The following BRF1 variants were observed in gnomAD, a reference collection of about 807,000 sequenced individuals.
BRF1 encodes the protein BRF1 general transcription factor IIIB subunit, also known as transcription factor IIIB 90 kDa subunit.
Under a neutral mutation model 81.7 loss-of-function variants are expected in BRF1, and 59 were observed. The observed-to-expected ratio is 0.72, with a 90% confidence interval of 0.59 to 0.90. The LOEUF (loss-of-function observed/expected upper bound fraction) is 0.90, where lower values mean the gene tolerates loss of function less well. BRF1 is among the 40% of genes least tolerant of loss of function. The pLI is 0.00. For missense variants in BRF1, 1,050 were observed against 936.3 expected (o/e 1.12, Z -1.58); for synonymous variants, 491 against 395.6 (o/e 1.24, Z -2.86).
At chr14:105,219,601 G>T (rs587627369) in intron 12 of BRF1, 1 of 433,684 alleles carries the variant, frequency 2.3e-6, no homozygotes, top group South Asian at 4.1e-5. Context: ...GGGGTCTGAG[G>T]CACCACGTGG....
chr14:105,226,861 T>C (rs1183915142), intron 7 of BRF1, 101 bp from the exon 8 acceptor site: 8 of 1,565,184 alleles, frequency 5.1e-6, no homozygotes, highest in Non-Finnish European at 6.9e-6. Context: ...GTGATCCCAG[T>C]GCTTTGGGAG....
chr14:105,253,490 G>A (rs973583269), intron 4 of BRF1, among the ~76,000 whole-genome samples: 56 of 152,204 alleles, frequency 3.7e-4, no homozygotes, highest in Admixed American at 3.5e-3. Context: ...AGCCCGGCTC[G>A]TGGGCCCTTA....
In BRF1 at chr14:105,268,691, G is replaced by A. The variant is rs187737500; in HGVS notation, c.439+4030C>T. On this transcript the variant is annotated intron_variant, in intron 3 of 17. Coordinates refer to ENST00000547530, the MANE Select transcript of BRF1 (RefSeq NM_001519.4). ...CATGGGCTGGACGATACGATAGGAG[G>A]ATCCTGGGGGGCCTCTCCTGGGGTG... 3.3e-3 allele frequency among the ~76,000 whole-genome samples: 502 copies of A among 152,344 alleles called. 3 individuals carry two copies. The highest frequency in any genetic ancestry group is 0.014 in the East Asian group (75 of 5,182).
intron 8 of BRF1, 100 bp from the exon 9 acceptor site, chr14:105,226,390 A>G: frequency 6.5e-7 from 1 of 1,534,224 alleles, no homozygotes; most frequent in Non-Finnish European, 9.0e-7. Context: ...AGGCTGCTAG[A>G]ACTTAGGGGT....
At chr14:105,292,177 T>G (rs1210389745) in intron 1 of BRF1, among the ~76,000 whole-genome samples, 1 of 151,982 alleles carries the variant, frequency 6.6e-6, no homozygotes, top group Non-Finnish European at 1.5e-5. Context: ...ATTTTTTGTT[T>G]TCTTTGTTTG....
At chr14:105,243,258 T>C (rs1480989323) in intron 5 of BRF1, among the ~76,000 whole-genome samples, 2 of 148,122 alleles carry the variant, frequency 1.4e-5, no homozygotes, top group Admixed American at 6.8e-5. Context: ...CTGGACACCA[T>C]AGTGAAACCC....
chr14:105,256,620 G>A, intron 3 of BRF1, 71 bp from the exon 4 acceptor site: 1 of 1,580,824 alleles, frequency 6.3e-7, no homozygotes, highest in Non-Finnish European at 8.6e-7. Flanking sequence ...CAAATGGGCA[G>A]GACCGCAGGA....
rs896376110 is a variant in BRF1, at chr14:105,221,579, C to T, written c.1315+69G>A. On this transcript the variant is annotated intron_variant, in intron 11 of 17. Coordinates refer to ENST00000547530, the MANE Select transcript of BRF1 (RefSeq NM_001519.4). Reference sequence around the variant, plus strand: ...GAGGATGGCAGCATCCGGCTCTCCCCATGAGAGGCACACGCCTGAAAGATC... The same window carrying T: ...GAGGATGGCAGCATCCGGCTCTCCCTATGAGAGGCACACGCCTGAAAGATC... The T allele has an allele frequency of 6.4e-6, 10 of 1,556,376 alleles. No individual in the cohort carries two copies. In the African/African-American group the frequency reaches 1.3e-4, roughly 19 times the overall value.
intron 1 of BRF1, among the ~76,000 whole-genome samples, chr14:105,298,068 G>C (rs1474897934): frequency 6.6e-6 from 1 of 152,200 alleles, no homozygotes; most frequent in Non-Finnish European, 1.5e-5. Context: ...ATGCTCAAAG[G>C]AAATGCTCAC....
chr14:105,241,136 C>A (rs1007450933), intron 6 of BRF1, 129 bp downstream of exon 6: 3 of 1,449,072 alleles, frequency 2.1e-6, no homozygotes, highest in African/African-American at 1.4e-5. Flanking sequence ...CAGAGTCAGC[C>A]CCGGGAGGCT....
In BRF1 at chr14:105,216,169, A is replaced by AC. The variant is rs1491520377; in HGVS notation, c.1772+1374_1772+1375insG. On this transcript the variant is annotated intron_variant, in intron 15 of 17. Coordinates refer to ENST00000547530, the MANE Select transcript of BRF1 (RefSeq NM_001519.4). ...ACTGCATGTACATGTATACACACAC[A>AC]GAGAGACACACATGCACACCCGGGC... Among the ~76,000 whole-genome samples, 3 of 152,172 alleles carry AC rather than the reference A, an allele frequency of 2.0e-5. No individual in the cohort carries two copies. In the East Asian group the frequency reaches 5.8e-4, roughly 29 times the overall value.
intron 2 of BRF1, among the ~76,000 whole-genome samples, chr14:105,279,729 G>A (rs769455930): frequency 6.6e-6 from 1 of 152,188 alleles, no homozygotes; most frequent in East Asian, 1.9e-4. Flanking sequence ...GGGGGCACCT[G>A]TGTCCACCGA....
chr14:105,254,400 G>GCGC (rs1355153336), intron 4 of BRF1, among the ~76,000 whole-genome samples: 2 of 152,006 alleles, frequency 1.3e-5, no homozygotes, highest in African/African-American at 4.8e-5. Context: ...AGGACTACAG[G>GCGC]CGCCCACCAC....
At chr14:105,244,303 G>A (rs2054924685) in intron 5 of BRF1, among the ~76,000 whole-genome samples, 1 of 152,058 alleles carries the variant, frequency 6.6e-6, no homozygotes, top group South Asian at 2.1e-4. Flanking sequence ...ATTTAGCCTA[G>A]TGTAGTGATG....
At chr14:105,243,611 A>AG (rs1035985120) in intron 5 of BRF1, among the ~76,000 whole-genome samples, 5 of 151,562 alleles carry the variant, frequency 3.3e-5, no homozygotes, top group African/African-American at 1.2e-4. Flanking sequence ...GAAAAAAAAA[A>AG]AGAGAGAGAA....
intron 1 of BRF1, among the ~76,000 whole-genome samples, chr14:105,312,259 G>C (rs773811230): frequency 4.3e-4 from 65 of 152,360 alleles, no homozygotes; most frequent in South Asian, 2.5e-3. Context: ...CCATGACTGG[G>C]GGTTGGGGCT....
intron 5 of BRF1, chr14:105,246,924 T>C (rs1357838719): frequency 2.0e-6 from 2 of 985,276 alleles, no homozygotes; most frequent in South Asian, 4.7e-5. Flanking sequence ...GCCCAGGTCT[T>C]GTGTGCTGCT....
chr14:105,248,423 C>T (rs1316077926), intron 5 of BRF1: 9 of 985,374 alleles, frequency 9.1e-6, no homozygotes, highest in Non-Finnish European at 8.4e-6. Flanking sequence ...TACCTCTGCA[C>T]AGCGCGCGGC....
intron 3 of BRF1, among the ~76,000 whole-genome samples, chr14:105,257,494 G>A (rs903977202): frequency 6.6e-6 from 1 of 152,302 alleles, no homozygotes; most frequent in African/African-American, 2.4e-5. Flanking sequence ...ACCCTAAGAA[G>A]GTGCCAGGGC....
Sources: gnomAD v4.1 joint callset for allele counts (sites outside exome capture counted in the v4.1 genomes callset) on GRCh38, gnomAD v4.1.1 for gene constraint, MANE v1.5 for transcripts, NCBI Gene and HGNC (gene_info 2026-07-23, HGNC 2026-07-21) for gene names.